Variants in ATPAF2 observed in about 807,000 individuals in gnomAD.
ATPAF2 encodes the protein ATP synthase mitochondrial F1 complex assembly factor 2.
In ATPAF2, 30 loss-of-function variants were observed where a neutral mutation model predicts 36.6. That is an observed-to-expected ratio of 0.82 (90% confidence interval 0.61 to 1.11). The LOEUF is 1.11. Ranked by LOEUF, ATPAF2 falls within the 50% of genes most tolerant of loss-of-function variation. The pLI is 0.00. For missense variants in ATPAF2, 321 were observed against 372.3 expected (o/e 0.86, Z 1.13); for synonymous variants, 140 against 152.6 (o/e 0.92, Z 0.61).
At chr17:18,028,987 CACA>C (rs1270073953) in intron 1 of ATPAF2, among the ~76,000 whole-genome samples, 2 of 152,290 alleles carry the variant, frequency 1.3e-5, no homozygotes, top group East Asian at 1.9e-4. Flanking sequence ...CTCATGCCAG[CACA>C]ACGAGTTCAA....
chr17:18,018,718 A>T (rs1366550414), intron 7 of ATPAF2, 32 bp from the exon 8 acceptor site: 8 of 1,613,514 alleles, frequency 5.0e-6, no homozygotes, highest in Non-Finnish European at 5.9e-6. Context: ...TTGCTGGGTG[A>T]GTGGCCAGTG....
At chr17:18,022,473 A>AC (rs1427791763) in intron 5 of ATPAF2, among the ~76,000 whole-genome samples, 1 of 151,436 alleles carries the variant, frequency 6.6e-6, no homozygotes, top group Non-Finnish European at 1.5e-5. Context: ...ACAGAGTTTC[A>AC]CCATGTTGCT....
intron 1 of ATPAF2, among the ~76,000 whole-genome samples, chr17:18,030,043 G>A (rs1039571310): frequency 6.6e-5 from 10 of 151,848 alleles, no homozygotes; most frequent in Admixed American, 2.0e-4. Flanking sequence ...AAATGAGGCC[G>A]GGCGCAGTGG....
At chr17:18,016,019 G>A (rs746121196), downstream of ATPAF2, 2 of 1,605,456 alleles carry the variant, frequency 1.2e-6, no homozygotes, top group South Asian at 1.1e-5. Flanking sequence ...TGTGTTCACG[G>A]TATAATGACA....
At chr17:18,026,439 C>G (rs1166524442) in intron 3 of ATPAF2, 23 bp from the exon 4 acceptor site, 2 of 1,585,960 alleles carry the variant, frequency 1.3e-6, no homozygotes, top group Admixed American at 3.3e-5. Context: ...CAAAAACCAC[C>G]CTGTCACTGC....
downstream of ATPAF2, chr17:18,016,873 TA>T (rs5819640): frequency 0.11 from 33,174 of 301,242 alleles, 191 homozygotes; most frequent in Non-Finnish European, 0.13. Flanking sequence ...CCCCTACTCA[TA>T]AAAAAAAAAA....
intron 7 of ATPAF2, 148 bp downstream of exon 7, chr17:18,020,972 ACTT>A (rs2044461044): frequency 6.9e-7 from 1 of 1,447,288 alleles, no homozygotes; most frequent in Non-Finnish European, 9.1e-7. Flanking sequence ...ACTTGACAAT[ACTT>A]CTGCTGGTCC....
intron 2 of ATPAF2, 86 bp downstream of exon 2, chr17:18,028,529 C>T: frequency 6.8e-7 from 1 of 1,472,876 alleles, no homozygotes; most frequent in East Asian, 2.4e-5. Context: ...ATAATCGCAC[C>T]ATGAAACCAG....
At chr17:18,031,973 T>C (rs1412883552) in intron 1 of ATPAF2, among the ~76,000 whole-genome samples, 1 of 152,232 alleles carries the variant, frequency 6.6e-6, no homozygotes, top group Non-Finnish European at 1.5e-5. Context: ...AATGGCAGGC[T>C]AGACATGGGT....
At chr17:18,033,936 A>G (rs1053125200) in intron 1 of ATPAF2, among the ~76,000 whole-genome samples, 10 of 152,020 alleles carry the variant, frequency 6.6e-5, no homozygotes, top group African/African-American at 2.4e-4. Context: ...CCTGAGCAAC[A>G]TGGCAACACC....
Position 18,028,250 on chromosome 17 carries a change from C to A in ATPAF2, c.306G>T (p.Lys102Asn). The change falls in exon 3 of 8, where the codon AAG (lysine) becomes AAT (asparagine). Residue 102 changes from lysine to asparagine, a missense_variant. Lys to Asn is a moderately conservative substitution (Grantham distance 94). Coordinates refer to ENST00000474627, the MANE Select transcript of ATPAF2 (RefSeq NM_145691.4). ...TTGTTACCAGGTGCATGGTGTAGTA[C>A]TTGATGGTATCCTGCTGGGAATCCC... is the stretch of plus-strand genomic sequence containing the variant. ...TEWDSQQDTIKYYTMHLTTLC... is the reference protein window; with the variant it reads ...TEWDSQQDTINYYTMHLTTLC... 1 of 1,614,192 alleles carries A rather than the reference C, an allele frequency of 6.2e-7. No individual in the cohort carries two copies. The highest frequency in any genetic ancestry group is 8.5e-7 in the Non-Finnish European group (1 of 1,180,014).
chr17:18,018,388 A>G lies in ATPAF2; in HGVS notation c.*161T>C, dbSNP rs901096346. ...GTTGAAATCAGGCTGACCTCCGGAC[A>G]GCCGTACTAGCGCACTGTGTCTCGG... On this transcript the variant is annotated 3_prime_UTR_variant, in exon 8 of 8. Transcript: ENST00000474627. 11 of 1,001,050 alleles carry G rather than the reference A, an allele frequency of 1.1e-5. No homozygotes were observed. In the African/African-American group the frequency reaches 1.5e-4, roughly 13 times the overall value. The allele number at this position is 1,001,050 out of a possible 1,614,324, so 62.0% of individuals were successfully genotyped here. A position where few individuals can be genotyped will look rare whatever the true frequency, so the allele number is the denominator to read the frequency against.
chr17:18,028,798 C>A, intron 1 of ATPAF2, 139 bp from the exon 2 acceptor site: 1 of 820,150 alleles, frequency 1.2e-6, no homozygotes, highest in Non-Finnish European at 2.1e-6. Flanking sequence ...GTCTGCCCTA[C>A]TCAACACGGT....
chr17:18,015,168 T>C (rs548562237), downstream of ATPAF2: 71 of 152,380 alleles, frequency 4.7e-4, no homozygotes, highest in African/African-American at 1.5e-3. Context: ...TTCCCAAATG[T>C]ATTTGACCAA....
chr17:18,018,626 G>A lies in ATPAF2; in HGVS notation c.793C>T (p.Arg265Cys), dbSNP rs554622718. ...HDYELQELRA[R>C]TAAGTLFIHL... ...ATGAAGAGGGTGCCGGCGGCGGTGC[G>A]GGCCCGCAGCTCCTGCAGCTCATAG... Residue 265 changes from arginine (R) to cysteine (C), a missense_variant, in exon 8 of 8, where the codon CGC becomes TGC. By Grantham distance (180) the Arg-to-Cys change is radical. Coordinates refer to ENST00000474627, the MANE Select transcript of ATPAF2 (RefSeq NM_145691.4). 23 of 1,614,006 alleles carry A rather than the reference G, an allele frequency of 1.4e-5. No individual in the cohort carries two copies. Among genetic ancestry groups the A allele is most frequent in the South Asian group, 7.7e-5 (7 of 91,088 alleles).
At position 18,039,165 on chromosome 17, in the gene ATPAF2, G is replaced by T; in HGVS notation, c.-152C>A. ...CCTCCCTTGGACGCCGCCATCTTCC[G>T]CATGACACCTACGGCGCGCCGTCGC... is the stretch of plus-strand genomic sequence containing the variant. On this transcript the variant is annotated 5_prime_UTR_variant, in exon 1 of 8. Coordinates refer to ENST00000474627, the MANE Select transcript of ATPAF2 (RefSeq NM_145691.4). This position sits in a 1 kb window ranked among gnomAD's most constrained non-coding sequence, Gnocchi z 5.3. 1.8e-6 allele frequency: 2 copies of T among 1,134,698 alleles called. No homozygotes were observed. The highest frequency in any genetic ancestry group is 2.1e-5 in the Admixed American group (1 of 47,024). 70.3% of individuals were successfully genotyped at this position (1,134,698 alleles called of 1,614,324 possible).
chr17:18,018,824 G>A (rs1597664048), intron 7 of ATPAF2, 138 bp from the exon 8 acceptor site: 2 of 1,298,134 alleles, frequency 1.5e-6, no homozygotes. Flanking sequence ...ACATGCCTAG[G>A]GGGAGGTGGC....
intron 4 of ATPAF2, 172 bp from the exon 5 acceptor site, chr17:18,024,876 A>T (rs1342489632): frequency 6.1e-6 from 4 of 656,080 alleles, no homozygotes; most frequent in Non-Finnish European, 1.1e-5. Flanking sequence ...TGGCACCAGC[A>T]TCGCCTGGGA....
chr17:18,024,526 A>T, intron 5 of ATPAF2, 98 bp downstream of exon 5: 1 of 986,060 alleles, frequency 1.0e-6, no homozygotes, highest in Non-Finnish European at 1.6e-6. Context: ...AAAGCTGACT[A>T]GCTAAGGGCA....
Sources: gnomAD v4.1 joint callset for allele counts (sites outside exome capture counted in the v4.1 genomes callset) on GRCh38, gnomAD v4.1.1 for gene constraint, Gnocchi (gnomAD v3.1) non-coding constraint, MANE v1.5 for transcripts, NCBI Gene and HGNC (gene_info 2026-07-23, HGNC 2026-07-21) for gene names.